The following TRIM36 variants were observed in gnomAD, a reference collection of about 807,000 sequenced individuals.
The protein encoded by TRIM36 is E3 ubiquitin-protein ligase TRIM36.
TRIM36 carries 42 observed loss-of-function variants against 72.4 expected under a neutral mutation model. The ratio of observed to expected loss-of-function variants is 0.58; its 90% CI spans 0.45 to 0.75. The LOEUF (loss-of-function observed/expected upper bound fraction) is 0.75, where lower values mean the gene tolerates loss of function less well. TRIM36 is among the 30% of genes least tolerant of loss of function. The pLI is 0.00. For synonymous variants in TRIM36, 315 were observed against 282.8 expected, an observed-to-expected ratio of 1.11 and a Z score of -1.14; for missense variants, 913 against 857.1, an observed-to-expected ratio of 1.07 and a Z score of -0.81.
At chr5:115,179,854 C>T (rs1755534408) in intron 1 of TRIM36, 1 of 940,492 alleles carries the variant, frequency 1.1e-6, no homozygotes, top group East Asian at 2.6e-5. Flanking sequence ...GAGCGCGGCT[C>T]CTGGATTCCA....
chr5:115,135,682 A>G (rs1422301526), intron 7 of TRIM36, among the ~76,000 whole-genome samples: 1 of 152,216 alleles, frequency 6.6e-6, no homozygotes, highest in Non-Finnish European at 1.5e-5. Flanking sequence ...ACTCACAAGT[A>G]AGCAAATATC....
chr5:115,179,099 C>G (rs1196529554), intron 1 of TRIM36, among the ~76,000 whole-genome samples: 4 of 152,204 alleles, frequency 2.6e-5, no homozygotes, highest in Non-Finnish European at 5.9e-5. Context: ...CGCTGACGCC[C>G]TTTCCCGCCT....
chr5:115,128,570 G>C (rs1463903998), intron 9 of TRIM36, among the ~76,000 whole-genome samples: 1 of 147,432 alleles, frequency 6.8e-6, no homozygotes, highest in Non-Finnish European at 1.5e-5. Context: ...GGCTAACAAG[G>C]TGAAACCCCG....
chr5:115,143,820 G>C (rs868417072), intron 4 of TRIM36, among the ~76,000 whole-genome samples: 1 of 152,132 alleles, frequency 6.6e-6, no homozygotes, highest in African/African-American at 2.4e-5. Flanking sequence ...TATGAAATTT[G>C]AAAGTTTTAA....
intron 5 of TRIM36, among the ~76,000 whole-genome samples, chr5:115,140,390 A>T (rs954064004): frequency 2.6e-5 from 4 of 152,094 alleles, no homozygotes; most frequent in Admixed American, 1.3e-4. Flanking sequence ...TATTATTTTT[A>T]AAATGCTGTT....
upstream of TRIM36, among the ~76,000 whole-genome samples, chr5:115,172,290 A>G (rs1159745166): frequency 6.6e-6 from 1 of 152,196 alleles, no homozygotes; most frequent in Non-Finnish European, 1.5e-5. Context: ...TCCACATCTA[A>G]GAATGTTCCT....
chr5:115,137,081 C>T lies in TRIM36; in HGVS notation c.1129G>A (p.Ala377Thr). 6.2e-7 allele frequency: 1 copy of T among 1,610,816 alleles called. No individual in the cohort carries two copies. The highest frequency in any genetic ancestry group is 8.5e-7 in the Non-Finnish European group (1 of 1,179,014). Residue 377 changes from alanine to threonine, a missense_variant, in exon 7 of 10, where the codon GCT becomes ACT. Physicochemically the swap from Ala to Thr is moderately conservative, Grantham distance 58. Coordinates refer to ENST00000513154, the MANE Select transcript of TRIM36 (RefSeq NM_001300759.2). ...ACATAGTCTTCAAAAGAAGTCTGAGCTGCAGGTCTAAAGCTCTTCAAAGAT... is the reference window on the plus strand; with the variant it reads ...ACATAGTCTTCAAAAGAAGTCTGAGTTGCAGGTCTAAAGCTCTTCAAAGAT... ...TESLKSFRPA[A>T]QTSFEDYVVN... is the part of the protein sequence containing the mutation.
chr5:115,128,625 G>A (rs1274997929), intron 9 of TRIM36, among the ~76,000 whole-genome samples: 10 of 148,330 alleles, frequency 6.7e-5, no homozygotes, highest in East Asian at 2.0e-4. Context: ...GGTGGCGGGC[G>A]CCTGTAGTCC....
In TRIM36 at chr5:115,147,555, A is replaced by AT. The variant is rs552059406; in HGVS notation, c.263-162dup. 4.9e-3 allele frequency among the ~76,000 whole-genome samples: 749 copies of AT among 152,282 alleles called. 3 individuals are homozygous for AT. The highest frequency in any genetic ancestry group is 9.0e-3 in the Non-Finnish European group (614 of 68,002). On this transcript the variant is annotated intron_variant, in intron 2 of 9. Transcript: ENST00000513154. ...TTGTATTGTGAAAATGTTTTTAAAA[A>AT]TTTTTCCTTAGTATACAAAAGACAA... is the stretch of plus-strand genomic sequence containing the variant.
At chr5:115,177,574 T>C (rs1755391997) in intron 1 of TRIM36, 1 of 1,430,216 alleles carries the variant, frequency 7.0e-7, no homozygotes, top group African/African-American at 1.4e-5. Context: ...GTTCAAATCC[T>C]GTATAATCAC....
intron 2 of TRIM36, among the ~76,000 whole-genome samples, chr5:115,162,350 G>A (rs909685155): frequency 1.3e-5 from 2 of 152,194 alleles, no homozygotes; most frequent in Non-Finnish European, 2.9e-5. Flanking sequence ...CATTATTACT[G>A]AATATAAGCC....
intron 2 of TRIM36, among the ~76,000 whole-genome samples, chr5:115,150,529 G>A (rs187834614): frequency 9.1e-4 from 138 of 152,290 alleles, no homozygotes; most frequent in Admixed American, 7.8e-3. Context: ...TCACAAACTA[G>A]ATTGAAGGAC....
chr5:115,129,349 G>A (rs751155420), intron 9 of TRIM36, among the ~76,000 whole-genome samples: 3 of 152,128 alleles, frequency 2.0e-5, no homozygotes, highest in Non-Finnish European at 4.4e-5. Flanking sequence ...GATCACCTGA[G>A]GTCGGGAATT....
upstream of TRIM36, among the ~76,000 whole-genome samples, chr5:115,170,283 C>G (rs998005753): frequency 6.6e-5 from 10 of 152,192 alleles, no homozygotes; most frequent in African/African-American, 2.2e-4. Flanking sequence ...GCAGAGCAGC[C>G]GGCTGCAGCC....
At chr5:115,168,023 AC>A (rs1032055809) in intron 1 of TRIM36, among the ~76,000 whole-genome samples, 2 of 152,156 alleles carry the variant, frequency 1.3e-5, no homozygotes, top group African/African-American at 4.8e-5. Context: ...GCCTTATAAA[AC>A]CATCAGATAT....
At chr5:115,157,225 C>G (rs1212972663) in intron 2 of TRIM36, among the ~76,000 whole-genome samples, 1 of 151,030 alleles carries the variant, frequency 6.6e-6, no homozygotes, top group East Asian at 1.9e-4. Context: ...GGAATGTAAA[C>G]TAGTACAGCC....
At position 115,144,742 on chromosome 5, in the gene TRIM36, A is replaced by G; in HGVS notation, c.591T>C (p.Ile197=). The G allele has an allele frequency of 6.2e-7, 1 of 1,611,656 alleles. No homozygotes were observed. Residue 197 remains isoleucine, a splice_region_variant and synonymous_variant, in exon 4 of 10, where the codon ATT becomes ATC. Transcript: ENST00000513154. Reference sequence around the variant, plus strand: ...CTGTTTCATGTTCTGGGCACATTAAAATCTATTGAGTAAAGAATAAAAGTG... The same window carrying G: ...CTGTTTCATGTTCTGGGCACATTAAGATCTATTGAGTAAAGAATAAAAGTG... The part of the protein sequence containing the change: ...VGPTTNFRPK[I]LMCPEHETER...
At chr5:115,166,740 C>T (rs1000132458) in intron 1 of TRIM36, among the ~76,000 whole-genome samples, 1 of 152,228 alleles carries the variant, frequency 6.6e-6, no homozygotes, top group Non-Finnish European at 1.5e-5. Flanking sequence ...GGAGCCTGGA[C>T]TTAGGAGCTC....
chr5:115,144,753 T>G lies in TRIM36; in HGVS notation c.589-9A>C. 6.2e-7 allele frequency: 1 copy of G among 1,608,784 alleles called. No homozygotes were observed. Among genetic ancestry groups the G allele is most frequent in the East Asian group, 2.2e-5 (1 of 44,720 alleles). On this transcript the variant is annotated splice_polypyrimidine_tract_variant and intron_variant, in intron 3 of 9. Coordinates refer to ENST00000513154, the MANE Select transcript of TRIM36 (RefSeq NM_001300759.2). ...TCTGGGCACATTAAAATCTATTGAG[T>G]AAAGAATAAAAGTGTGATTAAGGAT...
Sources: allele counts gnomAD v4.1 joint callset (sites outside exome capture counted in the v4.1 genomes callset), GRCh38; gene constraint gnomAD v4.1.1; transcripts MANE v1.5; gene names NCBI Gene and HGNC (gene_info 2026-07-23, HGNC 2026-07-21).